Variants in IL1RAPL1 observed in about 807,000 individuals in gnomAD.
IL1RAPL1 encodes the protein interleukin 1 receptor accessory protein like 1, also known as interleukin-1 receptor accessory protein-like 1.
A neutral mutation model predicts 48.4 loss-of-function variants in IL1RAPL1; 3 were observed. The ratio of observed to expected loss-of-function variants is 0.06; its 90% CI spans 0.03 to 0.16. IL1RAPL1 has a LOEUF of 0.16. IL1RAPL1 is among the 10% of genes least tolerant of loss of function. The pLI, the probability that IL1RAPL1 is intolerant of heterozygous loss-of-function variation, is 1.00. For missense variants in IL1RAPL1, 349 were observed against 530.6 expected (o/e 0.66, Z 3.36); for synonymous variants, 185 against 187.7 (o/e 0.99, Z 0.12).
intron 2 of IL1RAPL1, among the ~76,000 whole-genome samples, chrX:28,828,173 T>C (rs1391498912): frequency 8.9e-6 from 1 of 111,923 alleles, no homozygotes. Context: ...AGTCAACATT[T>C]AATGTGAGGA....
At chrX:29,654,860 TATAAA>T (rs1399515660) in intron 5 of IL1RAPL1, among the ~76,000 whole-genome samples, 1 of 112,543 alleles carries the variant, frequency 8.9e-6, no homozygotes, top group Non-Finnish European at 1.9e-5. Flanking sequence ...TTTGGGCTGT[TATAAA>T]ATGTCATTCT....
At chrX:29,591,849 T>C (rs1262992868) in intron 5 of IL1RAPL1, among the ~76,000 whole-genome samples, 2 of 112,336 alleles carry the variant, frequency 1.8e-5, no homozygotes, top group Non-Finnish European at 3.8e-5. Flanking sequence ...AGAAACCTGC[T>C]CACAGGGAGT....
At chrX:29,431,137 C>T (rs764445083) in intron 5 of IL1RAPL1, among the ~76,000 whole-genome samples, 36 of 111,292 alleles carry the variant, frequency 3.2e-4, no homozygotes, top group Non-Finnish European at 6.0e-4. Context: ...GGCAGCAGAG[C>T]CTACCATAAT....
intron 2 of IL1RAPL1, among the ~76,000 whole-genome samples, chrX:28,930,715 C>T (rs1472547609): frequency 1.8e-5 from 2 of 111,866 alleles, no homozygotes; most frequent in South Asian, 3.7e-4. Flanking sequence ...AATCTTGGCT[C>T]GCTGCAAGCT....
At chrX:29,424,403 A>ATATTCT (rs1934326143) in intron 5 of IL1RAPL1, among the ~76,000 whole-genome samples, 7 of 110,966 alleles carry the variant, frequency 6.3e-5, no homozygotes, top group Non-Finnish European at 1.1e-4. Context: ...TTAATCCTAA[A>ATATTCT]GCCAGTATAG....
chrX:29,376,239 G>A (rs996162593), intron 3 of IL1RAPL1, among the ~76,000 whole-genome samples: 5 of 111,719 alleles, frequency 4.5e-5, no homozygotes, highest in Non-Finnish European at 7.5e-5. Flanking sequence ...CACTTTAGCT[G>A]CATTCCAGAG....
intron 6 of IL1RAPL1, among the ~76,000 whole-genome samples, chrX:29,905,393 C>CA (rs1932588748): frequency 9.0e-6 from 1 of 111,483 alleles, no homozygotes. Flanking sequence ...TCAATTTTGG[C>CA]TTTTTTTGCA....
intron 1 of IL1RAPL1, among the ~76,000 whole-genome samples, chrX:28,613,744 C>A (rs754858386): frequency 1.8e-5 from 2 of 112,051 alleles, no homozygotes; most frequent in East Asian, 5.6e-4. Flanking sequence ...GAGTCACCTC[C>A]AGCCACGGGA....
intron 6 of IL1RAPL1, among the ~76,000 whole-genome samples, chrX:29,886,834 C>T (rs180792536): frequency 4.5e-5 from 5 of 111,574 alleles, no homozygotes; most frequent in African/African-American, 1.6e-4. Context: ...GTTGCAGAAG[C>T]CTATCATACA....
At chrX:28,724,173 C>T (rs187443822) in intron 1 of IL1RAPL1, among the ~76,000 whole-genome samples, 64 of 111,243 alleles carry the variant, frequency 5.8e-4, no homozygotes, top group African/African-American at 1.8e-3. Context: ...CTCATTGATC[C>T]GTCTAATGTT....
At chrX:29,398,559 G>GTTGA (rs747201729) in intron 4 of IL1RAPL1, among the ~76,000 whole-genome samples, 31 of 111,917 alleles carry the variant, frequency 2.8e-4, no homozygotes, top group Non-Finnish European at 4.9e-4. Context: ...GCATATAAAT[G>GTTGA]TTGATTGTTT....
At chrX:28,920,914 G>A (rs1409024817) in intron 2 of IL1RAPL1, among the ~76,000 whole-genome samples, 3 of 111,766 alleles carry the variant, frequency 2.7e-5, no homozygotes. Flanking sequence ...TACATTGAGA[G>A]AAGCTAACCC....
intron 5 of IL1RAPL1, among the ~76,000 whole-genome samples, chrX:29,429,931 T>G (rs1220974390): frequency 6.5e-5 from 5 of 76,474 alleles, no homozygotes; most frequent in Non-Finnish European, 1.1e-4. Context: ...GTGTGTATTT[T>G]TTTTTTTAAA....
chrX:29,313,842 C>A (rs1212063287), intron 3 of IL1RAPL1, among the ~76,000 whole-genome samples: 1 of 112,154 alleles, frequency 8.9e-6, no homozygotes, highest in Admixed American at 9.4e-5. Flanking sequence ...TCAAAACCTT[C>A]CTTTTTCACA....
At chrX:29,859,750 C>A (rs1246004966) in intron 6 of IL1RAPL1, among the ~76,000 whole-genome samples, 1 of 111,401 alleles carries the variant, frequency 9.0e-6, no homozygotes, top group Non-Finnish European at 1.9e-5. Context: ...TTGGTTTTTA[C>A]CATAAGACAT....
chrX:28,897,920 G>A (rs1393159687), intron 2 of IL1RAPL1, among the ~76,000 whole-genome samples: 2 of 111,148 alleles, frequency 1.8e-5, no homozygotes, highest in African/African-American at 6.6e-5. Flanking sequence ...GGGGTCAGAA[G>A]GTGCTCAGTG....
chrX:28,969,873 A>AAACACACATATATG (rs1925015792), intron 2 of IL1RAPL1, among the ~76,000 whole-genome samples: 1 of 107,992 alleles, frequency 9.3e-6, no homozygotes, highest in Non-Finnish European at 1.9e-5. Context: ...ACATATATAT[A>AAACACACATATATG]TGTTTCTAAA....
chrX:28,808,243 A>C (rs936056120), intron 2 of IL1RAPL1, among the ~76,000 whole-genome samples: 4 of 111,472 alleles, frequency 3.6e-5, no homozygotes, highest in African/African-American at 1.3e-4. Flanking sequence ...CATTAAAATC[A>C]GATGTTTTGA....
chrX:29,356,062 T>C (rs188396101), intron 3 of IL1RAPL1, among the ~76,000 whole-genome samples: 2 of 111,781 alleles, frequency 1.8e-5, no homozygotes, highest in East Asian at 5.6e-4. Flanking sequence ...TCATTAACTA[T>C]GTGTTCTGAA....
Sources: gnomAD v4.1 joint callset for allele counts (sites outside exome capture counted in the v4.1 genomes callset) on GRCh38, gnomAD v4.1.1 for gene constraint, MANE v1.5 for transcripts, NCBI Gene and HGNC (gene_info 2026-07-23, HGNC 2026-07-21) for gene names.